The following ADPGK variants were observed in gnomAD, a reference collection of about 807,000 sequenced individuals.
The protein encoded by ADPGK is ADP-dependent glucokinase.
A neutral mutation model predicts 42.4 loss-of-function variants in ADPGK; 26 were observed. That is an observed-to-expected ratio of 0.61 (90% confidence interval 0.45 to 0.85). The LOEUF (loss-of-function observed/expected upper bound fraction) is 0.85, where lower values mean the gene tolerates loss of function less well. Among genes scored for constraint, ADPGK ranks in the 40% least tolerant of loss-of-function variants. The pLI, the probability that ADPGK is intolerant of heterozygous loss-of-function variation, is 0.00. For missense variants in ADPGK, 571 were observed against 627.0 expected, an observed-to-expected ratio of 0.91 and a Z score of 0.95; for synonymous variants, 267 against 252.6, an observed-to-expected ratio of 1.06 and a Z score of -0.54.
At chr15:72,758,393 T>C in intron 4 of ADPGK, 1 of 545,732 alleles carries the variant, frequency 1.8e-6, no homozygotes. Flanking sequence ...AGCCTGACAA[T>C]GGGCTTCTCT....
intron 3 of ADPGK, among the ~76,000 whole-genome samples, chr15:72,761,294 T>G (rs969198814): frequency 6.6e-6 from 1 of 152,202 alleles, no homozygotes; most frequent in South Asian, 2.1e-4. Flanking sequence ...AGCTGCCAGA[T>G]GAAAACTGTT....
At chr15:72,774,830 T>A in intron 2 of ADPGK, 42 bp downstream of exon 2, 3 of 1,552,134 alleles carry the variant, frequency 1.9e-6, no homozygotes, top group Non-Finnish European at 2.6e-6. Flanking sequence ...TAAAAAGGCA[T>A]CTTTTTCCAC....
rs2066499106 is a variant in ADPGK, at chr15:72,783,622, C to G, written c.70G>C (p.Glu24Gln). ...AGCGCCGAGCCTGGCAGCTCTGGCT[C>G]CAGCAGGAAGACGCAGCCCACGGCC... ...ALAVGCVFLL[E>Q]PELPGSALRS... The change falls in exon 1 of 7, where the codon GAG (glutamate) becomes CAG (glutamine). Residue 24 changes from glutamate to glutamine, a missense_variant. Glu to Gln is a conservative substitution (Grantham distance 29). Transcript: ENST00000456471. 7 of 1,515,390 alleles carry G rather than the reference C, an allele frequency of 4.6e-6. No individual in the cohort carries two copies. The highest frequency in any genetic ancestry group is 6.1e-6 in the Non-Finnish European group (7 of 1,139,734). 93.9% of individuals were successfully genotyped at this position (1,515,390 alleles called of 1,614,324 possible). A position where few individuals can be genotyped will look rare whatever the true frequency, so the allele number is the denominator to read the frequency against.
intron 3 of ADPGK, among the ~76,000 whole-genome samples, chr15:72,762,747 T>A (rs375064139): frequency 4.6e-5 from 7 of 152,274 alleles, no homozygotes; most frequent in African/African-American, 1.7e-4. Flanking sequence ...TTTGGGAGGC[T>A]GAGACAGGCA....
chr15:72,760,243 G>C, intron 4 of ADPGK, 164 bp downstream of exon 4: 3 of 810,672 alleles, frequency 3.7e-6, no homozygotes, highest in Non-Finnish European at 5.3e-6. Context: ...TGAGACAACG[G>C]CCAGTATCAG....
intron 5 of ADPGK, chr15:72,755,871 A>G: frequency 1.5e-6 from 1 of 659,918 alleles, no homozygotes; most frequent in Admixed American, 2.1e-5. Flanking sequence ...TCAGGGATAC[A>G]GAATCAGAGA....
At chr15:72,763,318 A>ATTTTTTTTTT (rs34099103) in intron 3 of ADPGK, among the ~76,000 whole-genome samples, 105 of 123,662 alleles carry the variant, frequency 8.5e-4, no homozygotes, top group Non-Finnish European at 1.1e-3. Context: ...CACTCGGCTA[A>ATTTTTTTTTT]TTTTTTTTTT....
chr15:72,772,017 T>C (rs2066334826), intron 2 of ADPGK, among the ~76,000 whole-genome samples, 172 bp from the exon 3 acceptor site: 2 of 151,998 alleles, frequency 1.3e-5, no homozygotes, highest in Admixed American at 6.6e-5. Context: ...AAATAGAAAG[T>C]GAGTAATAAG....
intron 1 of ADPGK, among the ~76,000 whole-genome samples, chr15:72,782,207 G>C (rs533155295): frequency 6.6e-6 from 1 of 152,304 alleles, no homozygotes; most frequent in African/African-American, 2.4e-5. Flanking sequence ...TAACCATGTA[G>C]TTGGTGAATA....
At position 72,752,330 on chromosome 15, in the gene ADPGK, T is replaced by A. The variant is rs1298625268; in HGVS notation, c.*11A>T. 3.3e-5 allele frequency: 52 copies of A among 1,590,720 alleles called. No homozygotes were observed. Among genetic ancestry groups the A allele is most frequent in the Non-Finnish European group, 4.3e-5 (50 of 1,165,152 alleles). ...TCTCCTTCCTCAGAAAAATTACCCC[T>A]AAGAATCTTCCTAATAGTGAGGGTG... On this transcript the variant is annotated 3_prime_UTR_variant, in exon 7 of 7. Coordinates refer to ENST00000456471, the MANE Select transcript of ADPGK (RefSeq NM_001365225.1).
In ADPGK at chr15:72,775,023, C is replaced by T; in HGVS notation, c.308G>A (p.Gly103Glu). 5 of 1,614,164 alleles carry T rather than the reference C, an allele frequency of 3.1e-6. No homozygotes were observed. Among genetic ancestry groups the T allele is most frequent in the Non-Finnish European group, 4.2e-6 (5 of 1,180,030 alleles). Residue 103 changes from glycine to glutamate, a missense_variant, in exon 2 of 7, where the codon GGG becomes GAG. Physicochemically the swap from Gly to Glu is moderately conservative, Grantham distance 98. Around this residue, in one of 2 missense-constraint regions of ADPGK, gnomAD observed 434 missense variants for 522.7 expected, o/e 0.83. Transcript: ENST00000456471. ...TGAATGCAGAATGCTGTGATCTTTC[C>T]CATTCCCAGGACTAAGGCCAAGTGC... is the stretch of plus-strand genomic sequence containing the variant. The part of the protein sequence containing the change: ...LQALGLSPGN[G>E]KDHSILHSRN...
At chr15:72,763,735 C>A (rs138149343) in intron 3 of ADPGK, among the ~76,000 whole-genome samples, 16 of 152,314 alleles carry the variant, frequency 1.1e-4, no homozygotes, top group Non-Finnish European at 2.4e-4. Context: ...TCTGCAGATA[C>A]TGCAGTTTTT....
Position 72,771,850 on chromosome 15 carries a change from A to G in ADPGK, c.460-5T>C. The G allele has an allele frequency of 1.9e-6, 3 of 1,608,812 alleles. No individual in the cohort carries two copies. The highest frequency in any genetic ancestry group is 1.7e-4 in the Middle Eastern group (1 of 6,018). The stretch of plus-strand genomic sequence containing the variant: ...TGCATTTCCTCCTACATAGTGCTGT[A>G]AGAGAGTTCAAGGCTTTTAGACAGT... On this transcript the variant is annotated splice_polypyrimidine_tract_variant and splice_region_variant and intron_variant, in intron 2 of 6. Transcript: ENST00000456471.
rs2066044368 is a variant in ADPGK at position 72,751,432 on chromosome 15, T to A, written c.*909A>T. On this transcript the variant is annotated 3_prime_UTR_variant, in exon 7 of 7. Transcript: ENST00000456471. ...ACAGAAGTCTTGATTTATAAAAAAA[T>A]AAATATATAACATGACAAATTTACT... 1 of 152,604 alleles carries A rather than the reference T, an allele frequency of 6.6e-6. No homozygotes were observed. The highest frequency in any genetic ancestry group is 2.4e-5 in the African/African-American group (1 of 41,422). The allele number at this position is 152,604 out of a possible 1,614,324, so 9.5% of individuals were successfully genotyped here.
rs1021061454 is a variant in ADPGK at position 72,774,913 on chromosome 15, G to A, written c.418C>T (p.His140Tyr). The A allele has an allele frequency of 6.2e-7, 1 of 1,614,014 alleles. No individual in the cohort carries two copies. The highest frequency in any genetic ancestry group is 2.2e-5 in the East Asian group (1 of 44,892). Residue 140 changes from histidine to tyrosine, a missense_variant, in exon 2 of 7, where the codon CAC becomes TAC. His to Tyr is a moderately conservative substitution (Grantham distance 83). Transcript: ENST00000456471. ...TCTGATGCAACCTGGGCAATGTCGTGAAAAGTTTCCTTATCACTGAAGAAG... is the reference window on the plus strand; with the variant it reads ...TCTGATGCAACCTGGGCAATGTCGTAAAAAGTTTCCTTATCACTGAAGAAG... ...ERFFSDKETF[H>Y]DIAQVASEFP...
In ADPGK at chr15:72,771,837, T is replaced by C. The variant is rs766726542; in HGVS notation, c.468A>G (p.Val156=). Reference sequence around the variant, plus strand: ...GTCCAATTAAAGCTGCATTTCCTCCTACATAGTGCTGTAAGAGAGTTCAAG... The same window carrying C: ...GTCCAATTAAAGCTGCATTTCCTCCCACATAGTGCTGTAAGAGAGTTCAAG... ...ASEFPGAQHY[V]GGNAALIGQK... The change falls in exon 3 of 7, where the codon GTA becomes GTG. Residue 156 remains valine (V), a synonymous_variant. Transcript: ENST00000456471. 1 of 1,612,944 alleles carries C rather than the reference T, an allele frequency of 6.2e-7. No homozygotes were observed. The highest frequency in any genetic ancestry group is 8.5e-7 in the Non-Finnish European group (1 of 1,179,396).
Position 72,756,243 on chromosome 15 carries a change from G to A in ADPGK, c.840+8C>T, listed in dbSNP as rs754169219. The A allele has an allele frequency of 2.5e-5, 40 of 1,613,730 alleles. No homozygotes were observed. Among genetic ancestry groups the A allele is most frequent in the Non-Finnish European group, 3.2e-5 (38 of 1,179,682 alleles). On this transcript the variant is annotated splice_region_variant and intron_variant, in intron 5 of 6. Transcript: ENST00000456471. Reference sequence around the variant, plus strand: ...GAGATCTGTGAAATTCTGTAACAGTGCCATTACCTCCAAGAGTCTCTTCCT... The same window carrying A: ...GAGATCTGTGAAATTCTGTAACAGTACCATTACCTCCAAGAGTCTCTTCCT...
rs960436906 is a variant in ADPGK, at chr15:72,783,694, G to C, written c.-3C>G. ...GCGGAGCCGCGCCACAGCGCCATGG[G>C]GACCCAGGCGCCGCACCTGCGCGAA... On this transcript the variant is annotated 5_prime_UTR_variant, in exon 1 of 7. Transcript: ENST00000456471. 3.4e-6 allele frequency: 5 copies of C among 1,470,942 alleles called. No homozygotes were observed. The highest frequency in any genetic ancestry group is 3.6e-6 in the Non-Finnish European group (4 of 1,117,860). 91.1% of individuals were successfully genotyped at this position (1,470,942 alleles called of 1,614,324 possible). A position where few individuals can be genotyped will look rare whatever the true frequency, so the allele number is the denominator to read the frequency against.
At chr15:72,769,781 G>A (rs925052480) in intron 3 of ADPGK, among the ~76,000 whole-genome samples, 3 of 152,130 alleles carry the variant, frequency 2.0e-5, no homozygotes, top group Non-Finnish European at 4.4e-5. Flanking sequence ...GACTACTTGG[G>A]TTCAATTCCC....
Sources: allele counts gnomAD v4.1 joint callset (sites outside exome capture counted in the v4.1 genomes callset), GRCh38; gene constraint gnomAD v4.1.1; regional missense constraint gnomAD v4.1.1; transcripts MANE v1.5; gene names NCBI Gene and HGNC (gene_info 2026-07-23, HGNC 2026-07-21).